Variants in STRA6 observed in about 807,000 individuals in gnomAD.
STRA6 encodes signaling receptor and transporter of retinol STRA6, also known as receptor for retinol uptake STRA6.
In STRA6, 48 loss-of-function variants were observed where a neutral mutation model predicts 83.6. The observed-to-expected ratio is 0.57, with a 90% CI of 0.46 to 0.73. The LOEUF (loss-of-function observed/expected upper bound fraction) is 0.73, where lower values mean the gene tolerates loss of function less well. STRA6 is among the 30% of genes least tolerant of loss of function. The pLI is 0.00. For synonymous variants in STRA6, 353 were observed against 362.3 expected (o/e 0.97, Z 0.29); for missense variants, 760 against 838.8 (o/e 0.91, Z 1.16).
chr15:74,204,451 C>T (rs78755728), upstream of STRA6, among the ~76,000 whole-genome samples: 2,679 of 152,344 alleles, frequency 0.018, 27 homozygotes, highest in South Asian at 0.042. Context: ...TCCCAGAGTC[C>T]CCGTGCCCAC....
At chr15:74,194,331 A>T in intron 7 of STRA6, 1 of 1,121,660 alleles carries the variant, frequency 8.9e-7, no homozygotes, top group Non-Finnish European at 1.1e-6. Context: ...TCTATGCCCT[A>T]CTCCTCAGGG....
In STRA6 at chr15:74,182,243, C is replaced by A; in HGVS notation, c.1438G>T (p.Ala480Ser). ...ATGTTCTGCAGGATCACAGCCAGGGCCAAAGTCAGCCAGAAGGGCCTGCCA... is the reference window on the plus strand; with the variant it reads ...ATGTTCTGCAGGATCACAGCCAGGGACAAAGTCAGCCAGAAGGGCCTGCCA... ...ESSWPFWLTLALAVILQNMAA... is the reference protein window; with the variant it reads ...ESSWPFWLTLSLAVILQNMAA... Residue 480 changes from alanine to serine, a missense_variant, in exon 16 of 19, where the codon GCC becomes TCC. By Grantham distance (99) the Ala-to-Ser change is moderately conservative (BLOSUM62 1). Transcript: ENST00000395105. 6.2e-7 allele frequency: 1 copy of A among 1,614,116 alleles called. No individual in the cohort carries two copies. Among genetic ancestry groups the A allele is most frequent in the Non-Finnish European group, 8.5e-7 (1 of 1,180,004 alleles).
At chr15:74,208,616 G>A (rs1281828254) in intron 1 of STRA6, among the ~76,000 whole-genome samples, 1 of 152,096 alleles carries the variant, frequency 6.6e-6, no homozygotes, top group Non-Finnish European at 1.5e-5. Context: ...AGTGTCCCCT[G>A]AGGGCAGCCC....
chr15:74,204,940 A>AGAAAG (rs10647648), upstream of STRA6, among the ~76,000 whole-genome samples: 46,950 of 151,668 alleles, frequency 0.31, 8,043 homozygotes, highest in Middle Eastern at 0.45. Flanking sequence ...ATCTCAAAAA[A>AGAAAG]AAAGAAAGAA....
At chr15:74,191,949 A>G in intron 8 of STRA6, 1 of 241,668 alleles carries the variant, frequency 4.1e-6, no homozygotes, top group Admixed American at 5.0e-5. Context: ...CGCAAGGGAG[A>G]TCACAAGGGT....
In STRA6 at chr15:74,195,682, A is replaced by C; in HGVS notation, c.407-7T>G. On this transcript the variant is annotated splice_region_variant and splice_polypyrimidine_tract_variant and intron_variant, in intron 5 of 18. Coordinates refer to ENST00000395105, the MANE Select transcript of STRA6 (RefSeq NM_022369.4). ...GGAGCCTCAGTTTTCCCATCTGTAA[A>C]ATGAAAATAATCACAGTATATTAGC... 1 of 1,338,240 alleles carries C rather than the reference A, an allele frequency of 7.5e-7. No homozygotes were observed. The highest frequency in any genetic ancestry group is 1.8e-4 in the Middle Eastern group (1 of 5,622). The allele number at this position is 1,338,240 out of a possible 1,614,324, so 82.9% of individuals were successfully genotyped here. A position where few individuals can be genotyped will look rare whatever the true frequency, so the allele number is the denominator to read the frequency against.
intron 7 of STRA6, chr15:74,194,753 G>T: frequency 7.9e-7 from 1 of 1,258,636 alleles, no homozygotes; most frequent in African/African-American, 1.5e-5. Context: ...GTGAGTGAAT[G>T]AATGAAGTGG....
At position 74,191,457 on chromosome 15, in the gene STRA6, C is replaced by T. The variant is rs1385631465; in HGVS notation, c.755G>A (p.Arg252Lys). ...CAGCTTCTTCCTGCAAAGGAGGTTC[C>T]TCAGATATTCCTCAGAGTAGCTGCT... Reference protein sequence around the residue: ...LQSSYSEEYLRNLLCRKKLGS... With the variant: ...LQSSYSEEYLKNLLCRKKLGS... Residue 252 changes from arginine to lysine, a missense_variant, in exon 9 of 19, where the codon AGG (arginine) becomes AAG (lysine). Arg to Lys is a conservative substitution (Grantham distance 26). Coordinates refer to ENST00000395105, the MANE Select transcript of STRA6 (RefSeq NM_022369.4). The T allele has an allele frequency of 3.1e-6, 5 of 1,614,212 alleles. No individual in the cohort carries two copies. Among genetic ancestry groups the T allele is most frequent in the Non-Finnish European group, 3.4e-6 (4 of 1,180,038 alleles).
Position 74,182,164 on chromosome 15 carries a change from T to C in STRA6, c.1517A>G (p.Asn506Ser), listed in dbSNP as rs756395234. The C allele has an allele frequency of 3.7e-6, 6 of 1,613,820 alleles. No homozygotes were observed. The highest frequency in any genetic ancestry group is 5.1e-6 in the Non-Finnish European group (6 of 1,179,756). ...ETHDGHPQLT[N>S]RRVLYAATFL... ...ACAAGCCCAGATGCCACCTCACCGG[T>C]TGGTCAGCTGTGGGTGTCCATCATG... The change falls in exon 16 of 19, where the codon AAC becomes AGC. Residue 506 changes from asparagine to serine, a missense_variant. Coordinates refer to ENST00000395105, the MANE Select transcript of STRA6 (RefSeq NM_022369.4).
At chr15:74,209,095 G>T, upstream of STRA6, 1 of 1,287,862 alleles carries the variant, frequency 7.8e-7, no homozygotes. Context: ...TGCCCTCACA[G>T]ACCTCCCGCC....
upstream of STRA6, chr15:74,203,194 G>C (rs571810461): frequency 8.1e-5 from 79 of 980,492 alleles, no homozygotes; most frequent in Non-Finnish European, 9.2e-5. Context: ...GGCAACATGT[G>C]TCTCATTGGT....
chr15:74,208,118 C>A, intron 1 of STRA6: 1 of 1,089,080 alleles, frequency 9.2e-7, no homozygotes, highest in Non-Finnish European at 1.1e-6. Context: ...GGAGGGTAGC[C>A]GGCTGTGCCA....
At position 74,193,780 on chromosome 15, in the gene STRA6, T is replaced by C. The variant is rs758656773; in HGVS notation, c.720+20A>G. 1 of 1,612,850 alleles carries C rather than the reference T, an allele frequency of 6.2e-7. No individual in the cohort carries two copies. The highest frequency in any genetic ancestry group is 8.5e-7 in the Non-Finnish European group (1 of 1,179,190). Reference sequence around the variant, plus strand: ...GTCTTGGGTGCTGAGGAAGAGCTCATCCCAGGCCTGCCCCTTTACCTTGGA... The same window carrying C: ...GTCTTGGGTGCTGAGGAAGAGCTCACCCCAGGCCTGCCCCTTTACCTTGGA... On this transcript the variant is annotated intron_variant, in intron 8 of 18. Transcript: ENST00000395105.
At position 74,179,743 on chromosome 15, in the gene STRA6, A is replaced by G; in HGVS notation, c.*337T>C. 3.8e-6 allele frequency: 1 copy of G among 263,398 alleles called. No individual in the cohort carries two copies. The highest frequency in any genetic ancestry group is 7.4e-6 in the Non-Finnish European group (1 of 135,738). 16.3% of individuals were successfully genotyped at this position (263,398 alleles called of 1,614,324 possible). The stretch of plus-strand genomic sequence containing the variant: ...TGGAGCTGGGCTGGAGTGGTTCCAG[A>G]GAAGGCTTCATCGAGGCCCTTCAAG... On this transcript the variant is annotated 3_prime_UTR_variant, in exon 19 of 19. Coordinates refer to ENST00000395105, the MANE Select transcript of STRA6 (RefSeq NM_022369.4).
intron 1 of STRA6, chr15:74,202,510 T>C: frequency 1.3e-6 from 2 of 1,526,654 alleles, no homozygotes; most frequent in Non-Finnish European, 1.7e-6. Flanking sequence ...CCTCCTCCCT[T>C]CCCGCCCATC....
rs1220322058 is a variant in STRA6, at chr15:74,189,072, T to C, written c.1090+43A>G. 10 of 1,611,770 alleles carry C rather than the reference T, an allele frequency of 6.2e-6. No individual in the cohort carries two copies. In the African/African-American group the frequency reaches 1.3e-4, roughly 22 times the overall value. The stretch of plus-strand genomic sequence containing the variant: ...GCATAGACCTTGGGTCTCCCCGCTT[T>C]CATTCCCCACTGCAGCCCTCAGGGG... On this transcript the variant is annotated intron_variant, in intron 12 of 18. Coordinates refer to ENST00000395105, the MANE Select transcript of STRA6 (RefSeq NM_022369.4).
At chr15:74,184,364 A>G (rs2073139400) in intron 13 of STRA6, among the ~76,000 whole-genome samples, 1 of 152,218 alleles carries the variant, frequency 6.6e-6, no homozygotes, top group African/African-American at 2.4e-5. Flanking sequence ...CTGTGGAAAA[A>G]GATCCCTGGG....
intron 1 of STRA6, 150 bp downstream of exon 1, chr15:74,202,563 G>A (rs1443188234): frequency 6.1e-6 from 9 of 1,472,118 alleles, no homozygotes; most frequent in Admixed American, 2.6e-5. Flanking sequence ...GGGCCCCGGG[G>A]CTCCCGCTGG....
intron 8 of STRA6, 45 bp from the exon 9 acceptor site, chr15:74,191,536 C>T (rs750295238): frequency 1.9e-6 from 3 of 1,559,076 alleles, no homozygotes; most frequent in Admixed American, 1.7e-5. Context: ...TCTGCCTCGA[C>T]CCATTCGTGG....
Sources: allele counts gnomAD v4.1 joint callset (sites outside exome capture counted in the v4.1 genomes callset), GRCh38; gene constraint gnomAD v4.1.1; transcripts MANE v1.5; gene names NCBI Gene and HGNC (gene_info 2026-07-23, HGNC 2026-07-21).